Variants in NHLRC2 observed in about 807,000 individuals in gnomAD.
NHLRC2 encodes NHL repeat-containing protein 2.
A neutral mutation model predicts 68.1 loss-of-function variants in NHLRC2; 33 were observed. The observed-to-expected ratio is 0.48, with a 90% confidence interval of 0.37 to 0.65. The LOEUF is 0.65. Ranked by LOEUF, NHLRC2 falls within the 30% of genes least tolerant of loss-of-function variation. The pLI is 0.00. For synonymous variants in NHLRC2, 311 were observed against 309.6 expected, an observed-to-expected ratio of 1.00 and a Z score of -0.05; for missense variants, 761 against 853.8, an observed-to-expected ratio of 0.89 and a Z score of 1.35.
intron 2 of NHLRC2, among the ~76,000 whole-genome samples, chr10:113,863,388 C>A (rs1845834503): frequency 6.6e-6 from 1 of 151,978 alleles, no homozygotes; most frequent in Non-Finnish European, 1.5e-5. Flanking sequence ...GAAGAAAACA[C>A]ATAGGTAATT....
intron 1 of NHLRC2, among the ~76,000 whole-genome samples, chr10:113,856,357 G>A (rs542619568): frequency 7.9e-5 from 12 of 152,212 alleles, no homozygotes; most frequent in South Asian, 2.1e-4. Context: ...CAGAGTATTG[G>A]TGTCTTTCCA....
chr10:113,884,405 G>A lies in NHLRC2; in HGVS notation c.1039+25G>A, dbSNP rs761657426. On this transcript the variant is annotated intron_variant, in intron 5 of 10. Coordinates refer to ENST00000369301, the MANE Select transcript of NHLRC2 (RefSeq NM_198514.4). ...GGTATGTGAACTTTTGATATTAAAT[G>A]TAAAGGTAAATTTTACTTCATGTAA... 11 of 1,589,330 alleles carry A rather than the reference G, an allele frequency of 6.9e-6. No individual in the cohort carries two copies. In the South Asian group the frequency reaches 1.1e-4, roughly 16 times the overall value.
chr10:113,891,212 C>G (rs1000904348), intron 5 of NHLRC2, among the ~76,000 whole-genome samples: 1 of 152,162 alleles, frequency 6.6e-6, no homozygotes, highest in African/African-American at 2.4e-5. Context: ...CTTACAGATT[C>G]ATCTCTGCTG....
In NHLRC2 at chr10:113,855,023, G is replaced by A. The variant is rs1375670504; in HGVS notation, c.151G>A (p.Asp51Asn). ...GCAGAAGGTGGACGGCTGGGAGCAG[G>A]ACTTGTCAGTACCCGAGTTTCCGGA... Reference protein sequence around the residue: ...YLQKVDGWEQDLSVPEFPEGL... With the variant: ...YLQKVDGWEQNLSVPEFPEGL... The change falls in exon 1 of 11, where the codon GAC becomes AAC. Residue 51 changes from aspartate to asparagine, a missense_variant. Asp to Asn is a conservative substitution (Grantham distance 23, BLOSUM62 1). Transcript: ENST00000369301. 2 of 1,553,070 alleles carry A rather than the reference G, an allele frequency of 1.3e-6. No homozygotes were observed. The highest frequency in any genetic ancestry group is 3.4e-4 in the Middle Eastern group (2 of 5,920).
intron 5 of NHLRC2, among the ~76,000 whole-genome samples, chr10:113,895,678 T>C (rs566266031): frequency 3.3e-5 from 5 of 152,210 alleles, no homozygotes; most frequent in African/African-American, 1.2e-4. Context: ...AGTAATCTTA[T>C]GTAGAGAGTG....
intron 8 of NHLRC2, 99 bp downstream of exon 8, chr10:113,902,692 T>C (rs1357463600): frequency 5.0e-6 from 5 of 1,007,558 alleles, no homozygotes; most frequent in Non-Finnish European, 6.1e-6. Flanking sequence ...CTCTAAAATA[T>C]AGAAAGGAGT....
At chr10:113,864,479 C>G (rs566033178) in intron 2 of NHLRC2, among the ~76,000 whole-genome samples, 2 of 152,296 alleles carry the variant, frequency 1.3e-5, no homozygotes, top group African/African-American at 4.8e-5. Context: ...GCAGGCGGAT[C>G]ATGAGGTCAA....
At chr10:113,862,766 G>C (rs1845829172) in intron 2 of NHLRC2, among the ~76,000 whole-genome samples, 1 of 152,186 alleles carries the variant, frequency 6.6e-6, no homozygotes, top group East Asian at 1.9e-4. Flanking sequence ...CTAAAAGAGA[G>C]CTGGGATGGC....
In NHLRC2 at chr10:113,898,148, A is replaced by T. The variant is rs1846192343; in HGVS notation, c.1078A>T (p.Met360Leu). 1 of 1,613,040 alleles carries T rather than the reference A, an allele frequency of 6.2e-7. No individual in the cohort carries two copies. The highest frequency in any genetic ancestry group is 8.5e-7 in the Non-Finnish European group (1 of 1,179,110). ...AAGAGGTGACATTTTATGGATAGCC[A>T]TGGCAGGGACTCATCAGATATGGGC... Reference protein sequence around the residue: ...VQRGDILWIAMAGTHQIWALL... With the variant: ...VQRGDILWIALAGTHQIWALL... The change falls in exon 6 of 11, where the codon ATG (methionine) becomes TTG (leucine). Residue 360 changes from methionine (M) to leucine (L), a missense_variant. Transcript: ENST00000369301.
At chr10:113,864,012 G>A (rs1845840436) in intron 2 of NHLRC2, among the ~76,000 whole-genome samples, 1 of 152,182 alleles carries the variant, frequency 6.6e-6, no homozygotes, top group South Asian at 2.1e-4. Context: ...TCGTGGGTGA[G>A]GAAAATGTGG....
intron 3 of NHLRC2, among the ~76,000 whole-genome samples, chr10:113,878,998 C>G (rs1465203514): frequency 6.6e-6 from 1 of 152,172 alleles, no homozygotes; most frequent in East Asian, 1.9e-4. Context: ...ACCCTTGAAA[C>G]TCTACATGAA....
Position 113,865,189 on chromosome 10 carries a change from T to TA in NHLRC2, c.331+6510dup, listed in dbSNP as rs576620069. Among the ~76,000 whole-genome samples the TA allele has an allele frequency of 3.5e-3, 531 of 152,068 alleles. 3 individuals carry two copies. The highest frequency in any genetic ancestry group is 0.012 in the African/African-American group (499 of 41,478). On this transcript the variant is annotated intron_variant, in intron 2 of 10. Transcript: ENST00000369301. ...TGGTCTCGATCTTCTGACCTCGTGATACGCCTGCCTCGGCCTCCCAAAGTG... is the reference window on the plus strand; with the variant it reads ...TGGTCTCGATCTTCTGACCTCGTGATAACGCCTGCCTCGGCCTCCCAAAGTG...
At chr10:113,865,285 C>T (rs370990125) in intron 2 of NHLRC2, among the ~76,000 whole-genome samples, 3 of 138,940 alleles carry the variant, frequency 2.2e-5, no homozygotes, top group Admixed American at 7.1e-5. Flanking sequence ...TTTTCATCCC[C>T]CCCCCCCGTT....
At chr10:113,868,097 G>A (rs1401648548) in intron 2 of NHLRC2, among the ~76,000 whole-genome samples, 1 of 152,110 alleles carries the variant, frequency 6.6e-6, no homozygotes, top group Non-Finnish European at 1.5e-5. Context: ...CAAGTGATCT[G>A]CCCGCCTCAG....
Position 113,876,606 on chromosome 10 carries a change from C to A in NHLRC2, c.417C>A (p.Tyr139Ter). 6.2e-7 allele frequency: 1 copy of A among 1,613,520 alleles called. No individual in the cohort carries two copies. Among genetic ancestry groups the A allele is most frequent in the Non-Finnish European group, 8.5e-7 (1 of 1,179,536 alleles). ...LDNIKSAVLR[Y>*]NITHPMVNDA... Reference sequence around the variant, plus strand: ...ACATTAAGAGTGCTGTTCTTCGATACAACATCACCCACCCTATGGTTAATG... The same window carrying A: ...ACATTAAGAGTGCTGTTCTTCGATAAAACATCACCCACCCTATGGTTAATG... The change falls in exon 3 of 11, where the codon TAC (tyrosine) becomes TAA (stop). Residue 139 changes from tyrosine to a stop codon, truncating the protein, a stop_gained. Transcript: ENST00000369301. LOFTEE classifies it high-confidence loss of function.
At chr10:113,906,785 C>G (rs954325215) in intron 10 of NHLRC2, among the ~76,000 whole-genome samples, 1 of 152,112 alleles carries the variant, frequency 6.6e-6, no homozygotes, top group South Asian at 2.1e-4. Flanking sequence ...GTCAGGAGAT[C>G]GAGACCATCC....
At position 113,855,779 on chromosome 10, in the gene NHLRC2, G is replaced by A. The variant is rs954404756; in HGVS notation, c.178+729G>A. On this transcript the variant is annotated intron_variant, in intron 1 of 10. Coordinates refer to ENST00000369301, the MANE Select transcript of NHLRC2 (RefSeq NM_198514.4). ...TTCCCAAAGTGCTGGGATTACAGGC[G>A]TGAGCCACCGCGCCCGGCCTGCCAC... is the stretch of plus-strand genomic sequence containing the variant. Among the ~76,000 whole-genome samples the A allele has an allele frequency of 4.6e-5, 7 of 152,242 alleles. No individual in the cohort carries two copies. In the South Asian group the frequency reaches 1.5e-3, roughly 32 times the overall value.
At position 113,916,926 on chromosome 10, in the gene NHLRC2, T is replaced by A. The variant is rs1037195602; in HGVS notation, c.*8390T>A. Reference sequence around the variant, plus strand: ...TTGGTGTGCATTTTTAAGTGTTTCATGTAGACAGATTAATATATTTTTGTA... The same window carrying A: ...TTGGTGTGCATTTTTAAGTGTTTCAAGTAGACAGATTAATATATTTTTGTA... On this transcript the variant is annotated 3_prime_UTR_variant, in exon 11 of 11. Transcript: ENST00000369301. 6.6e-6 allele frequency: 1 copy of A among 152,238 alleles called. No homozygotes were observed. The highest frequency in any genetic ancestry group is 1.5e-5 in the Non-Finnish European group (1 of 68,026). The allele number at this position is 152,238 out of a possible 1,614,324, so 9.4% of individuals were successfully genotyped here.
chr10:113,855,897 A>G (rs1845751544), intron 1 of NHLRC2, among the ~76,000 whole-genome samples: 1 of 152,172 alleles, frequency 6.6e-6, no homozygotes, highest in Non-Finnish European at 1.5e-5. Flanking sequence ...TGCTCCTATC[A>G]TTCCCCTTTC....
Sources: gnomAD v4.1 joint callset for allele counts (sites outside exome capture counted in the v4.1 genomes callset) on GRCh38, gnomAD v4.1.1 for gene constraint, MANE v1.5 for transcripts, NCBI Gene and HGNC (gene_info 2026-07-23, HGNC 2026-07-21) for gene names.